Variants in HSD17B12 observed in about 807,000 individuals in gnomAD.
HSD17B12 encodes hydroxysteroid 17-beta dehydrogenase 12, also known as very-long-chain 3-oxoacyl-CoA reductase.
In HSD17B12, 32 loss-of-function variants were observed where a neutral mutation model predicts 39.3. The observed-to-expected ratio is 0.81, with a 90% CI of 0.61 to 1.09. The LOEUF is 1.09. HSD17B12 is among the 50% of genes least tolerant of loss of function. The probability of loss-of-function intolerance (pLI) is 0.00; values close to 1 mark genes in which losing one functional copy is unlikely to be tolerated. For synonymous variants in HSD17B12, 150 were observed against 146.7 expected (o/e 1.02, Z -0.16); for missense variants, 342 against 382.9 (o/e 0.89, Z 0.89).
chr11:43,568,856 T>A, the HSD17B12 span, among the ~76,000 whole-genome samples: 1 of 152,190 alleles, frequency 6.6e-6, no homozygotes, highest in African/African-American at 2.4e-5. Flanking sequence ...CTTTCCTGAG[T>A]CTCTCTGTTT....
At chr11:43,731,999 T>A (rs754434228) in intron 1 of HSD17B12, among the ~76,000 whole-genome samples, 8 of 152,214 alleles carry the variant, frequency 5.3e-5, no homozygotes, top group Non-Finnish European at 1.2e-4. Context: ...GGTTTGGCTG[T>A]GTCCCCCCTG....
At chr11:43,852,745 C>CA (rs1219017235) in intron 9 of HSD17B12, 2 of 151,998 alleles carry the variant, frequency 1.3e-5, no homozygotes, top group Non-Finnish European at 2.9e-5. Flanking sequence ...AAAGATGTGA[C>CA]AAAAAATTTT....
At chr11:43,568,099 T>A in the HSD17B12 span, among the ~76,000 whole-genome samples, 2 of 152,014 alleles carry the variant, frequency 1.3e-5, no homozygotes, top group African/African-American at 2.4e-5. Flanking sequence ...TAATTTTATT[T>A]ATTTATTTAT....
chr11:43,582,227 T>C, the HSD17B12 span, among the ~76,000 whole-genome samples: 1 of 152,102 alleles, frequency 6.6e-6, no homozygotes, highest in African/African-American at 2.4e-5. Context: ...AGAAGGAGCT[T>C]TGGAGAGATG....
At chr11:43,662,805 G>A in the HSD17B12 span, among the ~76,000 whole-genome samples, 2 of 151,968 alleles carry the variant, frequency 1.3e-5, no homozygotes, top group African/African-American at 4.8e-5. Context: ...TCCTACCTTG[G>A]GGGTAGGGAA....
intron 6 of HSD17B12, 149 bp from the exon 7 acceptor site, chr11:43,830,827 T>C (rs551998898): frequency 1.7e-4 from 94 of 569,224 alleles, no homozygotes; most frequent in Admixed American, 3.6e-4. Flanking sequence ...ACAGTCACAT[T>C]CTACAGTGTA....
chr11:43,609,391 G>T, the HSD17B12 span, among the ~76,000 whole-genome samples: 2 of 149,728 alleles, frequency 1.3e-5, no homozygotes, highest in Non-Finnish European at 3.0e-5. Flanking sequence ...TTAAAGATAG[G>T]GTCTAACTCT....
At chr11:43,698,277 A>G (rs1949930881) in intron 1 of HSD17B12, among the ~76,000 whole-genome samples, 1 of 152,174 alleles carries the variant, frequency 6.6e-6, no homozygotes, top group Non-Finnish European at 1.5e-5. Context: ...TTGATTTCTG[A>G]CAGGTTCTAT....
chr11:43,691,070 A>T (rs1045321370), intron 1 of HSD17B12, among the ~76,000 whole-genome samples: 8 of 152,216 alleles, frequency 5.3e-5, no homozygotes, highest in African/African-American at 1.9e-4. Context: ...TCTAAAATTT[A>T]GCTTTTCTAC....
At chr11:43,598,295 T>C in the HSD17B12 span, among the ~76,000 whole-genome samples, 5 of 152,218 alleles carry the variant, frequency 3.3e-5, no homozygotes, top group Non-Finnish European at 7.3e-5. Context: ...TGTCTGTTTA[T>C]GTATCATCTT....
At chr11:43,818,383 A>G (rs1951150371) in intron 6 of HSD17B12, among the ~76,000 whole-genome samples, 2 of 152,200 alleles carry the variant, frequency 1.3e-5, no homozygotes, top group African/African-American at 4.8e-5. Flanking sequence ...ACCTGCCAAA[A>G]GGAGGAATAC....
chr11:43,685,668 G>C (rs1949791410), intron 1 of HSD17B12, among the ~76,000 whole-genome samples: 1 of 152,184 alleles, frequency 6.6e-6, no homozygotes, highest in Non-Finnish European at 1.5e-5. Flanking sequence ...AAATTGCAGA[G>C]TCAGGATTTG....
chr11:43,603,358 A>G, the HSD17B12 span, among the ~76,000 whole-genome samples: 1 of 152,028 alleles, frequency 6.6e-6, no homozygotes, highest in Admixed American at 6.5e-5. Flanking sequence ...TTTTATTTTT[A>G]TTAACCACAT....
the HSD17B12 span, among the ~76,000 whole-genome samples, chr11:43,652,829 T>A: frequency 6.6e-6 from 1 of 152,114 alleles, no homozygotes; most frequent in Non-Finnish European, 1.5e-5. Flanking sequence ...TATGGAGACT[T>A]CGTTGGTTAG....
At chr11:43,694,685 C>T (rs1421610757) in intron 1 of HSD17B12, among the ~76,000 whole-genome samples, 2 of 151,926 alleles carry the variant, frequency 1.3e-5, no homozygotes, top group South Asian at 4.1e-4. Flanking sequence ...ATGACCCTGT[C>T]TCAAAAAAGA....
At chr11:43,843,125 G>A (rs1951442468) in intron 9 of HSD17B12, among the ~76,000 whole-genome samples, 1 of 152,054 alleles carries the variant, frequency 6.6e-6, no homozygotes, top group African/African-American at 2.4e-5. Context: ...TTCATTCAAG[G>A]TTTAAACTTT....
the HSD17B12 span, among the ~76,000 whole-genome samples, chr11:43,608,831 C>T: frequency 1.3e-4 from 20 of 152,286 alleles, no homozygotes; most frequent in African/African-American, 2.4e-4. Context: ...TGAAGCTCTT[C>T]GAAGGCCTCC....
At chr11:43,589,828 G>A in the HSD17B12 span, among the ~76,000 whole-genome samples, 9 of 152,290 alleles carry the variant, frequency 5.9e-5, no homozygotes, top group South Asian at 1.7e-3. Flanking sequence ...GCCTAGTCCT[G>A]CCCTTATTAG....
chr11:43,742,139 A>ATATATATATTTT (rs61178234), intron 1 of HSD17B12, among the ~76,000 whole-genome samples: 11 of 123,490 alleles, frequency 8.9e-5, no homozygotes, highest in South Asian at 2.7e-4. Flanking sequence ...ATATATATAT[A>ATATATATATTTT]TTTTTTTTTT....
Sources: allele counts gnomAD v4.1 joint callset (sites outside exome capture counted in the v4.1 genomes callset), GRCh38; gene constraint gnomAD v4.1.1; transcripts MANE v1.5; gene names NCBI Gene and HGNC (gene_info 2026-07-23, HGNC 2026-07-21).